The following ARFGEF3 variants were observed in gnomAD, a reference collection of about 807,000 sequenced individuals.
The protein encoded by ARFGEF3 is ARFGEF family member 3, also known as brefeldin A-inhibited guanine nucleotide-exchange protein 3.
ARFGEF3 carries 96 observed loss-of-function variants against 221.7 expected under a neutral mutation model. The observed-to-expected ratio is 0.43, with a 90% CI of 0.37 to 0.51. The LOEUF (loss-of-function observed/expected upper bound fraction) is 0.51, where lower values mean the gene tolerates loss of function less well. Ranked by LOEUF, ARFGEF3 falls within the 20% of genes least tolerant of loss-of-function variation. The pLI, the probability that ARFGEF3 is intolerant of heterozygous loss-of-function variation, is 0.00. For synonymous variants in ARFGEF3, 1,145 were observed against 1,126.8 expected, an observed-to-expected ratio of 1.02 and a Z score of -0.32; for missense variants, 2,410 against 2,789.9, an observed-to-expected ratio of 0.86 and a Z score of 3.07.
chr6:138,198,656 G>A (rs963436826), intron 2 of ARFGEF3, among the ~76,000 whole-genome samples: 3 of 151,980 alleles, frequency 2.0e-5, no homozygotes, highest in Non-Finnish European at 4.4e-5. Flanking sequence ...GAAAGGTGCT[G>A]GCTGTGGCTT....
Position 138,287,096 on chromosome 6 carries a change from A to G in ARFGEF3, c.2808A>G (p.Ser936=). ...CALGVAANCA[S]ALAQMAAASC... ...AAGGCGTTGCTGCTAACTGCGCCTC[A>G]GCCCTTGCCCAGATGGCAGCTGCCT... is the stretch of plus-strand genomic sequence containing the variant. The change falls in exon 17 of 34, where the codon TCA becomes TCG. Residue 936 remains serine, a synonymous_variant. Transcript: ENST00000251691. The G allele has an allele frequency of 1.9e-6, 3 of 1,576,004 alleles. No individual in the cohort carries two copies. Among genetic ancestry groups the G allele is most frequent in the South Asian group, 2.3e-5 (2 of 85,996 alleles).
At chr6:138,252,442 A>G (rs889861120) in intron 8 of ARFGEF3, among the ~76,000 whole-genome samples, 4 of 152,242 alleles carry the variant, frequency 2.6e-5, no homozygotes, top group African/African-American at 9.6e-5. Context: ...TAAATGGCAC[A>G]TAAAGGACTC....
At chr6:138,315,094 G>C (rs193092865) in intron 26 of ARFGEF3, among the ~76,000 whole-genome samples, 1 of 152,240 alleles carries the variant, frequency 6.6e-6, no homozygotes, top group African/African-American at 2.4e-5. Context: ...GCTGATAATT[G>C]TCTTTTAGTA....
chr6:138,170,659 C>A lies in ARFGEF3; in HGVS notation c.86-3C>A. ...TTTTAACTTTGTAATTTTTCTTTTGCAGAAACTCTAGGTGGTCTGGATACC... is the reference window on the plus strand; with the variant it reads ...TTTTAACTTTGTAATTTTTCTTTTGAAGAAACTCTAGGTGGTCTGGATACC... On this transcript the variant is annotated splice_region_variant and splice_polypyrimidine_tract_variant and intron_variant, in intron 1 of 33. Transcript: ENST00000251691. 6.5e-7 allele frequency: 1 copy of A among 1,541,286 alleles called. No homozygotes were observed. Among genetic ancestry groups the A allele is most frequent in the Non-Finnish European group, 9.0e-7 (1 of 1,115,758 alleles).
intron 1 of ARFGEF3, among the ~76,000 whole-genome samples, chr6:138,170,361 T>C (rs1271186540): frequency 6.6e-6 from 1 of 152,226 alleles, no homozygotes; most frequent in Non-Finnish European, 1.5e-5. Context: ...TATTGTATCT[T>C]AGTTGTAACT....
Position 138,255,425 on chromosome 6 carries a change from T to C in ARFGEF3, c.771-11T>C. On this transcript the variant is annotated splice_polypyrimidine_tract_variant and intron_variant, in intron 9 of 33. Transcript: ENST00000251691. ...GTGGGGAAAGTTACTTTTCTCACCA[T>C]CTCTTCCCAGGAAAAACCTCTGCCC... The C allele has an allele frequency of 6.4e-7, 1 of 1,564,158 alleles. No homozygotes were observed. Among genetic ancestry groups the C allele is most frequent in the East Asian group, 2.3e-5 (1 of 43,660 alleles).
At chr6:138,193,183 C>A (rs1204586539) in intron 2 of ARFGEF3, among the ~76,000 whole-genome samples, 3 of 152,154 alleles carry the variant, frequency 2.0e-5, no homozygotes, top group African/African-American at 4.8e-5. Context: ...CTCCACGAAC[C>A]CCCTCTGTAC....
rs754640424 is a variant in ARFGEF3, at chr6:138,334,901, G to T, written c.6055G>T (p.Asp2019Tyr). 6.3e-7 allele frequency: 1 copy of T among 1,591,288 alleles called. No homozygotes were observed. Among genetic ancestry groups the T allele is most frequent in the South Asian group, 1.1e-5 (1 of 87,180 alleles). Reference protein sequence around the residue: ...AGNKIYTMAADKTISKLMTEY... With the variant: ...AGNKIYTMAAYKTISKLMTEY... The stretch of plus-strand genomic sequence containing the variant: ...GAACAAAATCTACACCATGGCAGCC[G>T]ACAAGACCATTTCAAAGTTGATGAC... Residue 2019 changes from aspartate (D) to tyrosine (Y), a missense_variant, in exon 33 of 34, where the codon GAC becomes TAC. Physicochemically the swap from Asp to Tyr is radical, Grantham distance 160. This residue lies in a region of ARFGEF3 where 339 missense variants were observed against 334.9 expected (regional missense o/e 1.01). Coordinates refer to ENST00000251691, the MANE Select transcript of ARFGEF3 (RefSeq NM_020340.5). This position sits in a 1 kb window ranked among gnomAD's most constrained non-coding sequence, Gnocchi z 5.1.
chr6:138,244,799 C>A (rs1180019961), intron 7 of ARFGEF3, among the ~76,000 whole-genome samples: 1 of 152,094 alleles, frequency 6.6e-6, no homozygotes, highest in Non-Finnish European at 1.5e-5. Context: ...TCTGTGATAC[C>A]ATTCTAAACA....
chr6:138,275,122 A>G (rs1392684182), intron 12 of ARFGEF3, among the ~76,000 whole-genome samples: 1 of 152,032 alleles, frequency 6.6e-6, no homozygotes, highest in Admixed American at 6.5e-5. Context: ...AAAATAATAA[A>G]TAAATAAAAT....
chr6:138,297,119 C>G (rs1779539660), intron 21 of ARFGEF3, among the ~76,000 whole-genome samples, 164 bp downstream of exon 21: 1 of 152,172 alleles, frequency 6.6e-6, no homozygotes, highest in South Asian at 2.1e-4. Flanking sequence ...CTGGTTATAC[C>G]TCATGGCATC....
At chr6:138,259,340 C>T (rs938598896) in intron 10 of ARFGEF3, among the ~76,000 whole-genome samples, 2 of 152,234 alleles carry the variant, frequency 1.3e-5, no homozygotes, top group Non-Finnish European at 2.9e-5. Flanking sequence ...CAAGGACATA[C>T]AGGACATTTT....
At chr6:138,218,437 G>A in intron 4 of ARFGEF3, 1 of 1,479,412 alleles carries the variant, frequency 6.8e-7, no homozygotes, top group Non-Finnish European at 9.0e-7. Flanking sequence ...TAGCATAGAA[G>A]AATAATTTTG....
chr6:138,316,712 G>A (rs1487738402), intron 26 of ARFGEF3, among the ~76,000 whole-genome samples: 1 of 152,146 alleles, frequency 6.6e-6, no homozygotes, highest in African/African-American at 2.4e-5. Context: ...AGGTACCAGG[G>A]ACTGGAGCGA....
chr6:138,251,067 C>T (rs1024972630), intron 8 of ARFGEF3, among the ~76,000 whole-genome samples: 1 of 152,148 alleles, frequency 6.6e-6, no homozygotes, highest in South Asian at 2.1e-4. Flanking sequence ...TCCAGACTGC[C>T]GCAACCCACG....
chr6:138,295,915 G>A (rs1293215990), intron 20 of ARFGEF3, among the ~76,000 whole-genome samples: 1 of 152,222 alleles, frequency 6.6e-6, no homozygotes, highest in Non-Finnish European at 1.5e-5. Flanking sequence ...TTCAGGCTGT[G>A]TGTAAAGGTA....
At chr6:138,272,152 T>TTTA (rs965467686) in intron 12 of ARFGEF3, among the ~76,000 whole-genome samples, 6 of 151,606 alleles carry the variant, frequency 4.0e-5, no homozygotes, top group Non-Finnish European at 8.8e-5. Context: ...CATTTATTTA[T>TTTA]TTATTTATTT....
intron 1 of ARFGEF3, among the ~76,000 whole-genome samples, chr6:138,169,999 G>A (rs1346851059): frequency 2.0e-5 from 3 of 152,214 alleles, no homozygotes; most frequent in Non-Finnish European, 2.9e-5. Flanking sequence ...CTGGAGACAA[G>A]TTGGAAGGAT....
At chr6:138,282,542 A>G (rs2114622629) in intron 14 of ARFGEF3, among the ~76,000 whole-genome samples, 1 of 152,286 alleles carries the variant, frequency 6.6e-6, no homozygotes, top group Middle Eastern at 3.4e-3. Flanking sequence ...GCGAGGCACT[A>G]TTTAGGAATC....
Sources: allele counts gnomAD v4.1 joint callset (sites outside exome capture counted in the v4.1 genomes callset), GRCh38; gene constraint gnomAD v4.1.1; regional missense constraint gnomAD v4.1.1; non-coding constraint Gnocchi (gnomAD v3.1); transcripts MANE v1.5; gene names NCBI Gene and HGNC (gene_info 2026-07-23, HGNC 2026-07-21).